Variants in CNTROB observed in about 807,000 individuals in gnomAD.
CNTROB encodes centrobin, centriole duplication and spindle assembly protein, also known as centrobin.
Under a neutral mutation model 115.7 loss-of-function variants are expected in CNTROB, and 82 were observed. That is an observed-to-expected ratio of 0.71 (90% CI 0.59 to 0.85). The LOEUF (loss-of-function observed/expected upper bound fraction) is 0.85, where lower values mean the gene tolerates loss of function less well. CNTROB is among the 40% of genes least tolerant of loss of function. The pLI is 0.00. For synonymous variants in CNTROB, 439 were observed against 456.4 expected (o/e 0.96, Z 0.49); for missense variants, 1,014 against 1,144.4 (o/e 0.89, Z 1.64).
At position 7,944,786 on chromosome 17, in the gene CNTROB, T is replaced by TTCTGCTTTAG; in HGVS notation, c.1734+148_1734+149insTCTGCTTTAG. ...TCGAACTCCTGGGCTCAAGTGATCC[T>TTCTGCTTTAG]CCCACCTCTAACTCCCAAAGTGCTG... is the stretch of plus-strand genomic sequence containing the variant. On this transcript the variant is annotated intron_variant, in intron 12 of 18. Transcript: ENST00000563694. The surrounding 1 kb of genome is among the most constrained non-coding windows in gnomAD (Gnocchi z 4.0). 1.1e-6 allele frequency: 1 copy of TTCTGCTTTAG among 898,402 alleles called. No individual in the cohort carries two copies. Among genetic ancestry groups the TTCTGCTTTAG allele is most frequent in the Non-Finnish European group, 1.6e-6 (1 of 620,330 alleles). 55.7% of individuals were successfully genotyped at this position (898,402 alleles called of 1,614,324 possible).
chr17:7,945,979 A>C lies in CNTROB; in HGVS notation c.1986A>C (p.Ser662=). Residue 662 remains serine (S), a synonymous_variant, in exon 13 of 19, where the codon TCA becomes TCC. Coordinates refer to ENST00000563694, the MANE Select transcript of CNTROB (RefSeq NM_053051.5). ...TGGAGCCCAAACCAGACCTCACTTC[A>C]TCCACAGGTAACTGGGGGCAGAAGT... is the stretch of plus-strand genomic sequence containing the variant. ...QPLEPKPDLT[S]STAGAFSALG... is the part of the protein sequence containing the mutation. 1 of 1,613,944 alleles carries C rather than the reference A, an allele frequency of 6.2e-7. No homozygotes were observed. The highest frequency in any genetic ancestry group is 8.5e-7 in the Non-Finnish European group (1 of 1,179,876).
intron 4 of CNTROB, among the ~76,000 whole-genome samples, chr17:7,935,516 A>G (rs943058746): frequency 6.6e-6 from 1 of 151,948 alleles, no homozygotes; most frequent in Non-Finnish European, 1.5e-5. Context: ...AAAAAAAACT[A>G]AAAAAGAAAA....
intron 9 of CNTROB, among the ~76,000 whole-genome samples, chr17:7,942,787 A>AT (rs71159534): frequency 0.045 from 1,597 of 35,848 alleles, 451 homozygotes; most frequent in Admixed American, 0.058. Flanking sequence ...TACTCAGGGT[A>AT]TTTTTTTTTT....
Position 7,936,455 on chromosome 17 carries a change from A to G in CNTROB, c.684A>G (p.Lys228=). Residue 228 remains lysine, a synonymous_variant, in exon 5 of 19, where the codon AAA becomes AAG. Transcript: ENST00000563694. ...LAVAVAADRK[K]DTMIEQLDKT... ...TGGCTGTGGCTGCCGACCGCAAGAA[A>G]GATACCATGATTGAACAACTGGACA... is the stretch of plus-strand genomic sequence containing the variant. 2 of 1,501,378 alleles carry G rather than the reference A, an allele frequency of 1.3e-6. No homozygotes were observed. The highest frequency in any genetic ancestry group is 1.1e-5 in the South Asian group (1 of 88,738). The allele number at this position is 1,501,378 out of a possible 1,614,324, so 93.0% of individuals were successfully genotyped here.
chr17:7,943,037 G>A lies in CNTROB; in HGVS notation c.1312-354G>A, dbSNP rs370463127. ...AAGATGGTCTCGATCTCCTGACCTCGTGATCCGCCCGTCTCGGCCTCCCAA... is the reference window on the plus strand; with the variant it reads ...AAGATGGTCTCGATCTCCTGACCTCATGATCCGCCCGTCTCGGCCTCCCAA... On this transcript the variant is annotated intron_variant, in intron 9 of 18. Transcript: ENST00000563694. The surrounding 1 kb of genome is among the most constrained non-coding windows in gnomAD (Gnocchi z 4.7). Among the ~76,000 whole-genome samples, 2 of 151,784 alleles carry A rather than the reference G, an allele frequency of 1.3e-5. No homozygotes were observed. Among genetic ancestry groups the A allele is most frequent in the African/African-American group, 4.8e-5 (2 of 41,398 alleles).
chr17:7,949,344 T>C, intron 18 of CNTROB, 41 bp from the exon 19 acceptor site: 1 of 1,611,152 alleles, frequency 6.2e-7, no homozygotes, highest in Admixed American at 1.7e-5. Context: ...ATTGAGAGGA[T>C]CTGACGCTGA....
At chr17:7,940,068 G>A in intron 8 of CNTROB, 28 bp from the exon 9 acceptor site, 1 of 1,570,662 alleles carries the variant, frequency 6.4e-7, no homozygotes. Context: ...AATGAGGTAT[G>A]TATATACATT....
At chr17:7,947,859 C>T in intron 14 of CNTROB, 57 bp from the exon 15 acceptor site, 4 of 1,608,608 alleles carry the variant, frequency 2.5e-6, no homozygotes, top group Non-Finnish European at 3.4e-6. Flanking sequence ...CTCTCAGATC[C>T]CTGGGCGTTT....
At position 7,944,677 on chromosome 17, in the gene CNTROB, T is replaced by A. The variant is rs754876045; in HGVS notation, c.1734+39T>A. 1.1e-5 allele frequency: 17 copies of A among 1,566,330 alleles called. No homozygotes were observed. In the South Asian group the frequency reaches 1.8e-4, roughly 17 times the overall value. On this transcript the variant is annotated intron_variant, in intron 12 of 18. Transcript: ENST00000563694. This position sits in a 1 kb window ranked among gnomAD's most constrained non-coding sequence, Gnocchi z 4.0. ...CTTGAGCTAAGCTTCTCCGTTATGT[T>A]CTATTTTTATTTTTATTTTTGAGAC...
intron 1 of CNTROB, 115 bp from the exon 2 acceptor site, chr17:7,934,023 G>T: frequency 1.3e-6 from 1 of 762,920 alleles, no homozygotes; most frequent in Non-Finnish European, 2.3e-6. Flanking sequence ...ATCCCTTATT[G>T]GATCCGTTTG....
At position 7,936,686 on chromosome 17, in the gene CNTROB, C is replaced by T. The variant is rs762898145; in HGVS notation, c.712-15C>T. 48 of 1,126,212 alleles carry T rather than the reference C, an allele frequency of 4.3e-5. No individual in the cohort carries two copies. In the East Asian group the frequency reaches 9.8e-4, roughly 23 times the overall value. The allele number at this position is 1,126,212 out of a possible 1,614,324, so 69.8% of individuals were successfully genotyped here. On this transcript the variant is annotated splice_polypyrimidine_tract_variant and intron_variant, in intron 5 of 18. Transcript: ENST00000563694. ...AAAGTTATTTTGAAATTTCATCTTA[C>T]TTGCCCTACCTAAGACCCTGGCCCG...
At chr17:7,934,423 A>G in intron 2 of CNTROB, 42 bp from the exon 3 acceptor site, 3 of 1,594,856 alleles carry the variant, frequency 1.9e-6, no homozygotes, top group Non-Finnish European at 2.6e-6. Context: ...TGTTTTTGTC[A>G]TTACCTGACT....
chr17:7,940,093 TAGG>T lies in CNTROB; in HGVS notation c.1165_1167del (p.Glu389del). ...GTATATACATTTGATTTGTCTTTCA[TAGG>T]AGAAGAGCCAGAGGGAAGCCCAGGC... On this transcript the variant is annotated splice_acceptor_variant and coding_sequence_variant, in exon 9 of 19. Coordinates refer to ENST00000563694, the MANE Select transcript of CNTROB (RefSeq NM_053051.5). LOFTEE classifies it high-confidence loss of function. The T allele has an allele frequency of 6.3e-7, 1 of 1,591,826 alleles. No homozygotes were observed. Among genetic ancestry groups the T allele is most frequent in the Non-Finnish European group, 8.5e-7 (1 of 1,170,716 alleles).
chr17:7,933,721 T>C (rs1383670635), intron 1 of CNTROB, among the ~76,000 whole-genome samples: 1 of 152,228 alleles, frequency 6.6e-6, no homozygotes, highest in African/African-American at 2.4e-5. Flanking sequence ...ACTATGTTGA[T>C]AGTATGGTTC....
rs779360762 is a variant in CNTROB, at chr17:7,935,056, T to C, written c.505T>C (p.Tyr169His). The C allele has an allele frequency of 4.9e-5, 79 of 1,614,196 alleles. No homozygotes were observed. The Middle Eastern group carries it at 4.9e-4, about 10-fold the overall frequency. Residue 169 changes from tyrosine to histidine, a missense_variant, in exon 4 of 19, where the codon TAC (tyrosine) becomes CAC (histidine). Physicochemically the swap from Tyr to His is moderately conservative, Grantham distance 83 (BLOSUM62 2). Transcript: ENST00000563694. ...AQALEELFPR[Y>H]TSLRPGPPLN... ...AGCCCTGGAGGAGCTGTTTCCCCGC[T>C]ACACCAGCCTTCGGCCAGGGCCTCC...
In CNTROB at chr17:7,946,167, G is replaced by A. The variant is rs541427456; in HGVS notation, c.1993+181G>A. 1.3e-3 allele frequency among the ~76,000 whole-genome samples: 193 copies of A among 152,360 alleles called. 3 individuals carry two copies. The South Asian group carries it at 0.027, about 21-fold the overall frequency. On this transcript the variant is annotated intron_variant, in intron 13 of 18. Transcript: ENST00000563694. ...CAAATAAAGGGATTGAGATCTCATG[G>A]AAATATGACATCGCTGGACTTAATG...
chr17:7,949,615 G>T lies in CNTROB; in HGVS notation c.*105G>T. 8.4e-7 allele frequency: 1 copy of T among 1,194,274 alleles called. No homozygotes were observed. Among genetic ancestry groups the T allele is most frequent in the Non-Finnish European group, 1.1e-6 (1 of 891,602 alleles). The allele number at this position is 1,194,274 out of a possible 1,614,324, so 74.0% of individuals were successfully genotyped here. A position where few individuals can be genotyped will look rare whatever the true frequency, so the allele number is the denominator to read the frequency against. On this transcript the variant is annotated 3_prime_UTR_variant, in exon 19 of 19. Transcript: ENST00000563694. ...GGCTCATAGGAATTTGGAAAATAGA[G>T]GTTTTGTAGGGAATCACTTCGTAAA...
intron 9 of CNTROB, among the ~76,000 whole-genome samples, chr17:7,941,342 G>A (rs1973838431): frequency 6.6e-6 from 1 of 152,202 alleles, no homozygotes. Flanking sequence ...GCTCATGCCT[G>A]TAATCCCAGC....
chr17:7,934,402 C>CA, intron 2 of CNTROB, 63 bp from the exon 3 acceptor site: 1 of 1,494,540 alleles, frequency 6.7e-7, no homozygotes. Flanking sequence ...CTTTTCTCTT[C>CA]AGGTGGCCCC....
Sources: allele counts gnomAD v4.1 joint callset (sites outside exome capture counted in the v4.1 genomes callset), GRCh38; gene constraint gnomAD v4.1.1; non-coding constraint Gnocchi (gnomAD v3.1); transcripts MANE v1.5; gene names NCBI Gene and HGNC (gene_info 2026-07-23, HGNC 2026-07-21).